The following AGAP1 variants were observed in gnomAD, a reference collection of about 807,000 sequenced individuals.
The protein encoded by AGAP1 is ArfGAP with GTPase domain, ankyrin repeat and PH domain 1, also known as arf-GAP with GTPase, ANK repeat and PH domain-containing protein 1.
Under a neutral mutation model 105.3 loss-of-function variants are expected in AGAP1, and 29 were observed. The observed-to-expected ratio is 0.28, with a 90% CI of 0.21 to 0.38. The LOEUF is 0.38. Among genes scored for constraint, AGAP1 ranks in the 10% least tolerant of loss-of-function variants. The probability of loss-of-function intolerance (pLI) is 1.00; values close to 1 mark genes in which losing one functional copy is unlikely to be tolerated. For synonymous variants in AGAP1, 509 were observed against 485.9 expected (o/e 1.05, Z -0.63); for missense variants, 998 against 1,165.1 (o/e 0.86, Z 2.09).
intron 1 of AGAP1, among the ~76,000 whole-genome samples, chr2:235,694,207 T>C (rs150317584): frequency 0.033 from 4,933 of 149,516 alleles, 251 homozygotes; most frequent in African/African-American, 0.12. Context: ...TGGCCAGGCA[T>C]GGTGGCTCAC....
intron 13 of AGAP1, among the ~76,000 whole-genome samples, chr2:236,016,107 A>G (rs1033772821): frequency 6.6e-6 from 1 of 152,144 alleles, no homozygotes; most frequent in South Asian, 2.1e-4. Context: ...GCCATTTTTT[A>G]ATCATAATTT....
intron 6 of AGAP1, among the ~76,000 whole-genome samples, chr2:235,766,238 G>A (rs956098141): frequency 2.6e-5 from 4 of 152,194 alleles, no homozygotes; most frequent in African/African-American, 9.7e-5. Context: ...ATTTTTATAA[G>A]CTAACTAATA....
At position 235,777,073 on chromosome 2, in the gene AGAP1, G is replaced by A. The variant is rs532663467; in HGVS notation, c.674-20686G>A. 2.1e-6 allele frequency: 1 copy of A among 471,122 alleles called. No individual in the cohort carries two copies. Among genetic ancestry groups the A allele is most frequent in the South Asian group, 1.5e-5 (1 of 64,560 alleles). The allele number at this position is 471,122 out of a possible 1,614,324, so 29.2% of individuals were successfully genotyped here. On this transcript the variant is annotated intron_variant, in intron 6 of 17. Transcript: ENST00000304032. The surrounding 1 kb of genome is among the most constrained non-coding windows in gnomAD (Gnocchi z 5.1). The stretch of plus-strand genomic sequence containing the variant: ...AGAAACGAGGAAGTATTAGACAGAA[G>A]TGATGCTGGGCGCGGTGGCTCATGC...
At chr2:235,802,550 A>G (rs1302148594) in intron 8 of AGAP1, among the ~76,000 whole-genome samples, 1 of 152,246 alleles carries the variant, frequency 6.6e-6, no homozygotes, top group Non-Finnish European at 1.5e-5. Flanking sequence ...GCATTGTGGC[A>G]TTTAAGGAAA....
chr2:235,950,979 G>A (rs1025927581), intron 12 of AGAP1, among the ~76,000 whole-genome samples: 1 of 146,050 alleles, frequency 6.8e-6, no homozygotes, highest in African/African-American at 2.5e-5. Context: ...CTTTGGTGGT[G>A]CAAACAAAGT....
intron 12 of AGAP1, among the ~76,000 whole-genome samples, chr2:235,946,929 G>A (rs553754273): frequency 3.3e-5 from 5 of 152,174 alleles, no homozygotes; most frequent in Non-Finnish European, 5.9e-5. Flanking sequence ...CAGTTTAAAC[G>A]TGCCCATGTC....
chr2:235,904,756 A>G lies in AGAP1; in HGVS notation c.1156-3982A>G, dbSNP rs1384767773. ...TCCTCAAGTACCAAGCTGGGGAGAG[A>G]TGAAAAGGATCAGTTCTTTCAAAAC... On this transcript the variant is annotated intron_variant, in intron 10 of 17. Transcript: ENST00000304032. This position sits in a 1 kb window ranked among gnomAD's most constrained non-coding sequence, Gnocchi z 4.2. 6.6e-6 allele frequency among the ~76,000 whole-genome samples: 1 copy of G among 152,168 alleles called. No homozygotes were observed. Among genetic ancestry groups the G allele is most frequent in the African/African-American group, 2.4e-5 (1 of 41,440 alleles).
chr2:235,962,992 A>ATC lies in AGAP1; in HGVS notation c.1484-5469_1484-5468insCT. On this transcript the variant is annotated intron_variant, in intron 12 of 17. Coordinates refer to ENST00000304032, the MANE Select transcript of AGAP1 (RefSeq NM_001037131.3). This position sits in a 1 kb window ranked among gnomAD's most constrained non-coding sequence, Gnocchi z 5.3. The stretch of plus-strand genomic sequence containing the variant: ...TGGATCTGTGGGAATCCAGAGTCCC[A>ATC]TGGGGCTAGAAGTGCTCGTGTGGAA... Among the ~76,000 whole-genome samples the ATC allele has an allele frequency of 6.6e-6, 1 of 152,114 alleles. No individual in the cohort carries two copies. The highest frequency in any genetic ancestry group is 2.1e-4 in the South Asian group (1 of 4,818).
At position 235,867,848 on chromosome 2, in the gene AGAP1, G is replaced by A. The variant is rs1386233500; in HGVS notation, c.1051-15497G>A. 1.3e-5 allele frequency among the ~76,000 whole-genome samples: 2 copies of A among 152,132 alleles called. No homozygotes were observed. The highest frequency in any genetic ancestry group is 4.8e-5 in the African/African-American group (2 of 41,428). On this transcript the variant is annotated intron_variant, in intron 9 of 17. Coordinates refer to ENST00000304032, the MANE Select transcript of AGAP1 (RefSeq NM_001037131.3). The surrounding 1 kb of genome is among the most constrained non-coding windows in gnomAD (Gnocchi z 5.4). ...CTTGTATGACCCGTGTGCTTCTCCAGTTTCCAATGATGACATTCCATCCAC... is the reference window on the plus strand; with the variant it reads ...CTTGTATGACCCGTGTGCTTCTCCAATTTCCAATGATGACATTCCATCCAC...
chr2:235,667,098 A>G lies in AGAP1; in HGVS notation c.164-42081A>G, dbSNP rs372758612. ...TTGCCATATTTTAGTGGTGTTCATC[A>G]TTAAAGAGGCGGGATGGCCCTGTAG... is the stretch of plus-strand genomic sequence containing the variant. On this transcript the variant is annotated intron_variant, in intron 1 of 17. Transcript: ENST00000304032. Among the ~76,000 whole-genome samples, 18 of 152,298 alleles carry G rather than the reference A, an allele frequency of 1.2e-4. No individual in the cohort carries two copies. In the East Asian group the frequency reaches 1.5e-3, roughly 13 times the overall value.
intron 15 of AGAP1, among the ~76,000 whole-genome samples, chr2:236,047,612 T>C (rs928884868): frequency 7.6e-6 from 1 of 131,666 alleles, no homozygotes; most frequent in African/African-American, 3.0e-5. Flanking sequence ...TTTTTTTTTT[T>C]TTTTTTTTGA....
At chr2:235,861,485 C>G (rs1367801401) in intron 9 of AGAP1, among the ~76,000 whole-genome samples, 1 of 152,192 alleles carries the variant, frequency 6.6e-6, no homozygotes, top group Non-Finnish European at 1.5e-5. Flanking sequence ...GTTACAGCCT[C>G]TAAGTTGGAA....
At chr2:235,796,288 T>G (rs1957239386) in intron 6 of AGAP1, among the ~76,000 whole-genome samples, 1 of 152,262 alleles carries the variant, frequency 6.6e-6, no homozygotes, top group Admixed American at 6.5e-5. Context: ...TTGCATCTGT[T>G]GAAATCTTAG....
In AGAP1 at chr2:235,801,170, A is replaced by C. The variant is rs1407803562; in HGVS notation, c.957+1648A>C. 1.3e-5 allele frequency among the ~76,000 whole-genome samples: 2 copies of C among 152,260 alleles called. No homozygotes were observed. Among genetic ancestry groups the C allele is most frequent in the East Asian group, 3.9e-4 (2 of 5,140 alleles). On this transcript the variant is annotated intron_variant, in intron 8 of 17. Coordinates refer to ENST00000304032, the MANE Select transcript of AGAP1 (RefSeq NM_001037131.3). The surrounding 1 kb of genome is among the most constrained non-coding windows in gnomAD (Gnocchi z 6.0). ...GCTCCCACAGAGGCCACTGCTGGGC[A>C]GCAGGGTGAGGACTGATCAGACAGA... is the stretch of plus-strand genomic sequence containing the variant.
chr2:235,758,097 C>A (rs1954081948), intron 6 of AGAP1, among the ~76,000 whole-genome samples: 1 of 151,708 alleles, frequency 6.6e-6, no homozygotes, highest in Non-Finnish European at 1.5e-5. Flanking sequence ...CTATTTTTTT[C>A]TCCTTTATTA....
At chr2:236,017,153 C>T (rs2125585686) in intron 13 of AGAP1, among the ~76,000 whole-genome samples, 1 of 151,900 alleles carries the variant, frequency 6.6e-6, no homozygotes, top group South Asian at 2.1e-4. Context: ...ATTACCCGAG[C>T]ATAGTGGCGA....
intron 2 of AGAP1, among the ~76,000 whole-genome samples, chr2:235,713,303 G>A (rs770716394): frequency 2.6e-5 from 4 of 152,204 alleles, no homozygotes; most frequent in Admixed American, 6.5e-5. Context: ...GAAATTCTCC[G>A]ATTATAGAGG....
In AGAP1 at chr2:235,977,917, T is replaced by C. The variant is rs2054928282; in HGVS notation, c.1645+9294T>C. ...AGCAGAAACTCATTTATCATGGTTC[T>C]GAAGGCTGCAAAGTCCAAGATCACG... On this transcript the variant is annotated intron_variant, in intron 13 of 17. Transcript: ENST00000304032. The surrounding 1 kb of genome is among the most constrained non-coding windows in gnomAD (Gnocchi z 5.2). Among the ~76,000 whole-genome samples the C allele has an allele frequency of 6.6e-6, 1 of 152,172 alleles. No homozygotes were observed. Among genetic ancestry groups the C allele is most frequent in the South Asian group, 2.1e-4 (1 of 4,830 alleles).
chr2:235,699,010 GTGGC>G (rs2149469657), intron 1 of AGAP1, among the ~76,000 whole-genome samples: 1 of 152,160 alleles, frequency 6.6e-6, no homozygotes, highest in East Asian at 1.9e-4. Flanking sequence ...GCCCATACCT[GTGGC>G]TGGTTGGTGG....
Sources: allele counts gnomAD v4.1 joint callset (sites outside exome capture counted in the v4.1 genomes callset), GRCh38; gene constraint gnomAD v4.1.1; non-coding constraint Gnocchi (gnomAD v3.1); transcripts MANE v1.5; gene names NCBI Gene and HGNC (gene_info 2026-07-23, HGNC 2026-07-21).